KDM4C: variants seen among roughly 807,000 people sequenced by gnomAD.
KDM4C encodes lysine demethylase 4C, also known as lysine-specific demethylase 4C.
A neutral mutation model predicts 129.3 loss-of-function variants in KDM4C; 81 were observed. The ratio of observed to expected loss-of-function variants is 0.63; its 90% CI spans 0.52 to 0.75. KDM4C has a LOEUF of 0.75. Ranked by LOEUF, KDM4C falls within the 30% of genes least tolerant of loss-of-function variation. The probability of loss-of-function intolerance (pLI) is 0.00; values close to 1 mark genes in which losing one functional copy is unlikely to be tolerated. For missense variants in KDM4C, 1,457 were observed against 1,304.0 expected (o/e 1.12, Z -1.81); for synonymous variants, 573 against 456.1 (o/e 1.26, Z -3.26).
At chr9:7,072,114 T>C (rs926100017) in intron 17 of KDM4C, among the ~76,000 whole-genome samples, 41 of 152,186 alleles carry the variant, frequency 2.7e-4, no homozygotes, top group African/African-American at 9.9e-4. Context: ...TGTCACTACA[T>C]ATCAATGGAA....
intron 5 of KDM4C, among the ~76,000 whole-genome samples, chr9:6,852,184 T>G (rs1838971632): frequency 6.6e-6 from 1 of 152,164 alleles, no homozygotes; most frequent in Non-Finnish European, 1.5e-5. Context: ...GAGGTAAACT[T>G]TGTCATTATT....
chr9:6,835,115 C>T lies in KDM4C; in HGVS notation c.436-14392C>T, dbSNP rs144477509. The T allele has an allele frequency of 4.9e-4, 490 of 1,005,858 alleles. 2 individuals carry two copies. The African/African-American group carries it at 6.5e-3, about 13-fold the overall frequency. The allele number at this position is 1,005,858 out of a possible 1,614,324, so 62.3% of individuals were successfully genotyped here. On this transcript the variant is annotated intron_variant, in intron 4 of 21. Coordinates refer to ENST00000381309, the MANE Select transcript of KDM4C (RefSeq NM_015061.6). ...GAGAAGCTGTGCTATGTTGCTCTGG[C>T]CTTCGAGCAGGAGATGGCCATGGCG...
intron 1 of KDM4C, among the ~76,000 whole-genome samples, chr9:6,761,134 C>A (rs891914923): frequency 6.6e-6 from 1 of 151,072 alleles, no homozygotes; most frequent in African/African-American, 2.4e-5. Flanking sequence ...CTCAGCCAAC[C>A]CAGTAGCTGG....
At chr9:6,828,719 A>C (rs1050860924) in intron 4 of KDM4C, among the ~76,000 whole-genome samples, 3 of 151,854 alleles carry the variant, frequency 2.0e-5, no homozygotes, top group Non-Finnish European at 4.4e-5. Context: ...AAAAAATATA[A>C]AATTAGCCGG....
chr9:6,988,659 TCCATCCATC>T (rs780460894), intron 11 of KDM4C, among the ~76,000 whole-genome samples: 276 of 150,444 alleles, frequency 1.8e-3, no homozygotes, highest in Middle Eastern at 0.01. Flanking sequence ...TTTAAAGCCA[TCCATCCATC>T]CATCCATCCA....
At chr9:7,096,282 T>A (rs1836424683) in intron 17 of KDM4C, among the ~76,000 whole-genome samples, 1 of 152,246 alleles carries the variant, frequency 6.6e-6, no homozygotes, top group African/African-American at 2.4e-5. Flanking sequence ...GATTGTAATG[T>A]TGCCTTTAAT....
At chr9:7,031,090 C>G (rs1476540644) in intron 15 of KDM4C, among the ~76,000 whole-genome samples, 2 of 151,908 alleles carry the variant, frequency 1.3e-5, no homozygotes, top group Non-Finnish European at 2.9e-5. Flanking sequence ...GGGTTTCCAA[C>G]TTAGCCATAC....
At chr9:6,884,675 T>G (rs1447703646) in intron 6 of KDM4C, among the ~76,000 whole-genome samples, 1 of 152,212 alleles carries the variant, frequency 6.6e-6, no homozygotes, top group East Asian at 1.9e-4. Context: ...TTCTCTCCCC[T>G]TTCCTAAAAA....
At chr9:6,873,511 C>G (rs867563063) in intron 5 of KDM4C, among the ~76,000 whole-genome samples, 1 of 152,356 alleles carries the variant, frequency 6.6e-6, no homozygotes, top group African/African-American at 2.4e-5. Flanking sequence ...CCTTGTACTT[C>G]TCTCTTATGG....
intron 1 of KDM4C, among the ~76,000 whole-genome samples, chr9:6,735,835 G>A (rs1817508988): frequency 1.3e-5 from 2 of 152,298 alleles, no homozygotes; most frequent in South Asian, 4.1e-4. Context: ...CTGGGTAACA[G>A]GCAGAGATTG....
chr9:7,027,440 GTC>G (rs1156703103), intron 15 of KDM4C, among the ~76,000 whole-genome samples: 2 of 152,340 alleles, frequency 1.3e-5, no homozygotes, highest in Admixed American at 6.5e-5. Flanking sequence ...AACAAAGGGA[GTC>G]TCTCTGTTTG....
At chr9:7,130,330 A>C (rs1198688892) in intron 19 of KDM4C, among the ~76,000 whole-genome samples, 1 of 152,226 alleles carries the variant, frequency 6.6e-6, no homozygotes, top group Non-Finnish European at 1.5e-5. Flanking sequence ...AAGCCTATAC[A>C]CACCATGCCA....
chr9:6,958,388 C>G (rs1829446808), intron 8 of KDM4C, among the ~76,000 whole-genome samples: 1 of 151,948 alleles, frequency 6.6e-6, no homozygotes. Context: ...AGTTCGAGAC[C>G]AGCCTGACCA....
chr9:6,997,642 G>A (rs1820009423), intron 12 of KDM4C, among the ~76,000 whole-genome samples: 1 of 152,210 alleles, frequency 6.6e-6, no homozygotes, highest in African/African-American at 2.4e-5. Context: ...ACAGTCAATA[G>A]ATTTTGGAGT....
At chr9:7,163,719 G>A (rs1038749441) in intron 19 of KDM4C, among the ~76,000 whole-genome samples, 1 of 152,072 alleles carries the variant, frequency 6.6e-6, no homozygotes, top group Non-Finnish European at 1.5e-5. Flanking sequence ...GGAGAGAAAG[G>A]TGATAACCCC....
At chr9:6,942,071 G>A (rs567376678) in intron 8 of KDM4C, among the ~76,000 whole-genome samples, 1 of 152,282 alleles carries the variant, frequency 6.6e-6, no homozygotes, top group Non-Finnish European at 1.5e-5. Flanking sequence ...TAAATTGGTA[G>A]AGCAGTTATT....
chr9:6,965,111 C>G (rs1830715004), intron 8 of KDM4C, among the ~76,000 whole-genome samples: 1 of 151,812 alleles, frequency 6.6e-6, no homozygotes, highest in Non-Finnish European at 1.5e-5. Flanking sequence ...GGCTTTGTTT[C>G]CCATTACTCT....
At chr9:6,770,215 CAA>C (rs202070043) in intron 1 of KDM4C, among the ~76,000 whole-genome samples, 5 of 134,100 alleles carry the variant, frequency 3.7e-5, no homozygotes, top group African/African-American at 2.7e-5. Flanking sequence ...CAAAAAACAC[CAA>C]AAAAAAAAAA....
At chr9:6,740,313 C>A (rs577405727) in intron 1 of KDM4C, among the ~76,000 whole-genome samples, 1 of 152,098 alleles carries the variant, frequency 6.6e-6, no homozygotes, top group African/African-American at 2.4e-5. Flanking sequence ...ACGCCATTCT[C>A]CTGCCTCAGC....
Sources: gnomAD v4.1 joint callset for allele counts (sites outside exome capture counted in the v4.1 genomes callset) on GRCh38, gnomAD v4.1.1 for gene constraint, MANE v1.5 for transcripts, NCBI Gene and HGNC (gene_info 2026-07-23, HGNC 2026-07-21) for gene names.